Variants in CSNK1G1 observed in about 807,000 individuals in gnomAD.
CSNK1G1 encodes casein kinase 1 gamma 1, also known as casein kinase I isoform gamma-1.
Under a neutral mutation model 59.6 loss-of-function variants are expected in CSNK1G1, and 22 were observed. That is an observed-to-expected ratio of 0.37 (90% confidence interval 0.26 to 0.53). The LOEUF (loss-of-function observed/expected upper bound fraction) is 0.53. Ranked by LOEUF, CSNK1G1 falls within the 20% of genes least tolerant of loss-of-function variation. The pLI is 0.89. For synonymous variants in CSNK1G1, 179 were observed against 177.1 expected (o/e 1.01, Z -0.08); for missense variants, 384 against 519.5 (o/e 0.74, Z 2.54).
chr15:64,294,750 A>C (rs1894923385), intron 2 of CSNK1G1, among the ~76,000 whole-genome samples: 1 of 149,610 alleles, frequency 6.7e-6, no homozygotes, highest in South Asian at 2.1e-4. Flanking sequence ...GTCTCTACAA[A>C]AAATACAAAA....
At chr15:64,326,210 G>A (rs1022719873) in intron 1 of CSNK1G1, among the ~76,000 whole-genome samples, 4 of 152,158 alleles carry the variant, frequency 2.6e-5, no homozygotes, top group Admixed American at 6.6e-5. Flanking sequence ...ATTTTTAGTA[G>A]AGACAGGGTT....
rs551769101 is a variant in CSNK1G1, at chr15:64,202,696, G to A, written c.1107+386C>T. On this transcript the variant is annotated intron_variant, in intron 10 of 11. Transcript: ENST00000303052. The stretch of plus-strand genomic sequence containing the variant: ...GCCTCCAAAGTAGCTGGGACTATAG[G>A]CACGTGCCACCATGCCCAACTAATT... 1.5e-4 allele frequency among the ~76,000 whole-genome samples: 23 copies of A among 152,184 alleles called. 1 individual carries two copies. The highest frequency in any genetic ancestry group is 9.2e-4 in the Admixed American group (14 of 15,280).
chr15:64,172,144 G>C (rs1224353583), intron 11 of CSNK1G1, among the ~76,000 whole-genome samples, 159 bp from the exon 12 acceptor site: 1 of 152,234 alleles, frequency 6.6e-6, no homozygotes, highest in Non-Finnish European at 1.5e-5. Context: ...GCAGTGGGCA[G>C]TGTCTGCCAG....
chr15:64,228,261 TAAAC>T (rs57848113), intron 4 of CSNK1G1, among the ~76,000 whole-genome samples: 6,749 of 152,324 alleles, frequency 0.044, 196 homozygotes, highest in South Asian at 0.085. Context: ...ATAAAAGTGA[TAAAC>T]AGACAGATAT....
chr15:64,266,481 A>C (rs1156473217), intron 2 of CSNK1G1, among the ~76,000 whole-genome samples: 1 of 152,206 alleles, frequency 6.6e-6, no homozygotes, highest in African/African-American at 2.4e-5. Context: ...AATCTCTATC[A>C]AAATACCAAT....
At chr15:64,299,464 T>C (rs1462027540) in intron 2 of CSNK1G1, among the ~76,000 whole-genome samples, 3 of 151,914 alleles carry the variant, frequency 2.0e-5, no homozygotes, top group Middle Eastern at 3.4e-3. Context: ...TGGTGGCGGA[T>C]GCCTGTAGTC....
intron 10 of CSNK1G1, among the ~76,000 whole-genome samples, chr15:64,186,495 TTTTTG>T (rs111659966): frequency 2.8e-4 from 43 of 152,012 alleles, no homozygotes; most frequent in African/African-American, 8.2e-4. Flanking sequence ...AAAATTGAGT[TTTTTG>T]TTTTGTTTTG....
intron 4 of CSNK1G1, among the ~76,000 whole-genome samples, chr15:64,224,589 T>C (rs2082432355): frequency 6.6e-6 from 1 of 152,178 alleles, no homozygotes; most frequent in Non-Finnish European, 1.5e-5. Context: ...CATGAACCAG[T>C]TAAACATATG....
chr15:64,279,248 TACC>T (rs1344217468), intron 2 of CSNK1G1, among the ~76,000 whole-genome samples: 4 of 152,264 alleles, frequency 2.6e-5, no homozygotes, highest in Non-Finnish European at 4.4e-5. Context: ...ATTTTCAGCA[TACC>T]AGTAGGTTTT....
In CSNK1G1 at chr15:64,298,758, G is replaced by A. The variant is rs1257309444; in HGVS notation, c.181+1561C>T. ...TCACAAGTAGCAGAGGTGGTCAGGC[G>A]TAGTGGCTCAGCCTGTAATCCCAGC... is the stretch of plus-strand genomic sequence containing the variant. On this transcript the variant is annotated intron_variant, in intron 2 of 11. Transcript: ENST00000303052. 2.6e-5 allele frequency among the ~76,000 whole-genome samples: 4 copies of A among 152,042 alleles called. No individual in the cohort carries two copies. In the East Asian group the frequency reaches 5.8e-4, roughly 22 times the overall value.
chr15:64,205,984 T>C (rs914336649), intron 7 of CSNK1G1, among the ~76,000 whole-genome samples: 2 of 152,164 alleles, frequency 1.3e-5, no homozygotes, highest in Non-Finnish European at 1.5e-5. Flanking sequence ...TCTTTCCATA[T>C]TAATATGTTG....
chr15:64,319,552 T>C (rs963646136), intron 1 of CSNK1G1, among the ~76,000 whole-genome samples: 1 of 152,186 alleles, frequency 6.6e-6, no homozygotes, highest in African/African-American at 2.4e-5. Flanking sequence ...TGAATTTGTT[T>C]TGTTTTGTTT....
chr15:64,346,098 C>A (rs1897948620), intron 1 of CSNK1G1, among the ~76,000 whole-genome samples: 1 of 152,034 alleles, frequency 6.6e-6, no homozygotes, highest in South Asian at 2.1e-4. Context: ...TTTGCATAAA[C>A]CAATTGGTCA....
At chr15:64,270,063 C>T (rs1893202914) in intron 2 of CSNK1G1, among the ~76,000 whole-genome samples, 1 of 152,224 alleles carries the variant, frequency 6.6e-6, no homozygotes. Flanking sequence ...CCACCTTGGC[C>T]TCCCTAAATG....
At chr15:64,206,682 C>G (rs2082186927) in intron 7 of CSNK1G1, among the ~76,000 whole-genome samples, 1 of 150,624 alleles carries the variant, frequency 6.6e-6, no homozygotes, top group Non-Finnish European at 1.5e-5. Flanking sequence ...GCCAAACAGC[C>G]AAAGGCACAG....
intron 2 of CSNK1G1, among the ~76,000 whole-genome samples, chr15:64,273,350 G>A (rs1194801800): frequency 1.3e-5 from 2 of 151,948 alleles, no homozygotes; most frequent in African/African-American, 2.4e-5. Flanking sequence ...AAGTGAATGA[G>A]GTAATTAGAA....
At chr15:64,286,933 C>A (rs1283280497) in intron 2 of CSNK1G1, among the ~76,000 whole-genome samples, 2 of 152,138 alleles carry the variant, frequency 1.3e-5, no homozygotes, top group Non-Finnish European at 2.9e-5. Context: ...CTTAAAAGAT[C>A]ATTAGTTATC....
chr15:64,295,991 T>C (rs1318403684), intron 2 of CSNK1G1, among the ~76,000 whole-genome samples: 5 of 152,208 alleles, frequency 3.3e-5, no homozygotes, highest in African/African-American at 1.2e-4. Flanking sequence ...GCACAGTATC[T>C]AGTGATTGTG....
chr15:64,212,682 CTGAG>C (rs1206431384), intron 6 of CSNK1G1, among the ~76,000 whole-genome samples: 3 of 152,096 alleles, frequency 2.0e-5, no homozygotes, highest in Admixed American at 1.3e-4. Context: ...GCACTCCAGC[CTGAG>C]TGAGAGTGAG....
Sources: allele counts gnomAD v4.1 joint callset (sites outside exome capture counted in the v4.1 genomes callset), GRCh38; gene constraint gnomAD v4.1.1; transcripts MANE v1.5; gene names NCBI Gene and HGNC (gene_info 2026-07-23, HGNC 2026-07-21).